The following ROBO2 variants were observed in gnomAD, a reference collection of about 807,000 sequenced individuals.
ROBO2 encodes the protein roundabout homolog 2.
In ROBO2, 53 loss-of-function variants were observed where a neutral mutation model predicts 160.8. The observed-to-expected ratio is 0.33, with a 90% CI of 0.26 to 0.41. The LOEUF is 0.41. Among genes scored for constraint, ROBO2 ranks in the 10% least tolerant of loss-of-function variants. ROBO2 has a pLI of 1.00. For synonymous variants in ROBO2, 664 were observed against 611.7 expected, an observed-to-expected ratio of 1.09 and a Z score of -1.26; for missense variants, 1,577 against 1,722.4, an observed-to-expected ratio of 0.92 and a Z score of 1.49.
chr3:76,090,393 TC>T (rs1185477851), intron 2 of ROBO2, among the ~76,000 whole-genome samples: 2 of 151,898 alleles, frequency 1.3e-5, no homozygotes, highest in Non-Finnish European at 2.9e-5. Flanking sequence ...GCCACCGCAC[TC>T]CAGCCTGGGT....
chr3:77,517,861 C>T (rs941206662), intron 5 of ROBO2, among the ~76,000 whole-genome samples: 3 of 151,384 alleles, frequency 2.0e-5, no homozygotes, highest in South Asian at 2.1e-4. Flanking sequence ...TAGAACTTCT[C>T]GGTTATCAGA....
intron 1 of ROBO2, among the ~76,000 whole-genome samples, chr3:77,088,128 C>T (rs1379194145): frequency 1.3e-5 from 2 of 152,050 alleles, no homozygotes; most frequent in African/African-American, 2.4e-5. Context: ...GATAAAGGCA[C>T]TGAATAACAT....
At chr3:76,120,814 C>T (rs987707122) in intron 2 of ROBO2, among the ~76,000 whole-genome samples, 11 of 152,140 alleles carry the variant, frequency 7.2e-5, no homozygotes, top group African/African-American at 2.4e-4. Context: ...TGAAAAACTT[C>T]TATAAAAATT....
chr3:77,227,170 G>A (rs1259976045), intron 2 of ROBO2, among the ~76,000 whole-genome samples: 2 of 151,910 alleles, frequency 1.3e-5, no homozygotes, highest in Non-Finnish European at 2.9e-5. Flanking sequence ...CCTTTTCTTA[G>A]TAGTTAAGTT....
exon 7 of ROBO2, chr3:77,546,431 C>T (rs1273667627): frequency 6.2e-7 from 1 of 1,613,168 alleles, no homozygotes; most frequent in African/African-American, 1.3e-5. Flanking sequence ...AACCCACAGC[C>T]AGCTGTTTTT....
At chr3:77,130,426 G>A (rs1026047802) in intron 2 of ROBO2, among the ~76,000 whole-genome samples, 5 of 114,116 alleles carry the variant, frequency 4.4e-5, no homozygotes, top group African/African-American at 1.6e-4. Flanking sequence ...AGAATAAACA[G>A]CAAGTAATAA....
At chr3:77,139,557 G>A (rs1296587522) in intron 2 of ROBO2, among the ~76,000 whole-genome samples, 1 of 152,158 alleles carries the variant, frequency 6.6e-6, no homozygotes, top group African/African-American at 2.4e-5. Flanking sequence ...TCACTTGTCT[G>A]ATTTGGAAGT....
At chr3:76,521,474 G>A (rs1304090635) in intron 2 of ROBO2, among the ~76,000 whole-genome samples, 2 of 152,108 alleles carry the variant, frequency 1.3e-5, no homozygotes, top group African/African-American at 4.8e-5. Context: ...CGGGAGGTAG[G>A]GCAGGAATAG....
At chr3:77,146,890 C>T (rs535911996) in intron 2 of ROBO2, among the ~76,000 whole-genome samples, 3 of 152,116 alleles carry the variant, frequency 2.0e-5, no homozygotes, top group Non-Finnish European at 4.4e-5. Flanking sequence ...TCACTTGAAC[C>T]CAGGAGGCGG....
intron 2 of ROBO2, among the ~76,000 whole-genome samples, chr3:76,506,604 C>T (rs1037770959): frequency 2.0e-5 from 3 of 152,084 alleles, no homozygotes; most frequent in African/African-American, 7.2e-5. Flanking sequence ...ATTCTTTGTA[C>T]CTTCATTAGA....
At chr3:77,420,584 T>G (rs2077626639) in intron 2 of ROBO2, among the ~76,000 whole-genome samples, 1 of 152,116 alleles carries the variant, frequency 6.6e-6, no homozygotes, top group Non-Finnish European at 1.5e-5. Flanking sequence ...TCTAATGATT[T>G]CAGCCAAACA....
intron 2 of ROBO2, among the ~76,000 whole-genome samples, chr3:76,946,662 T>C (rs1559746010): frequency 6.6e-6 from 1 of 152,178 alleles, no homozygotes; most frequent in Non-Finnish European, 1.5e-5. Context: ...GGTCTCGAAC[T>C]CCTAACCTCA....
intron 2 of ROBO2, among the ~76,000 whole-genome samples, chr3:76,284,087 A>AT (rs1238118192): frequency 6.6e-6 from 1 of 151,678 alleles, no homozygotes; most frequent in East Asian, 1.9e-4. Flanking sequence ...CCTTATCCTT[A>AT]TTTTTCCATT....
At chr3:76,202,045 C>T (rs1386225957) in intron 2 of ROBO2, among the ~76,000 whole-genome samples, 2 of 152,140 alleles carry the variant, frequency 1.3e-5, no homozygotes, top group Non-Finnish European at 2.9e-5. Flanking sequence ...AGCACTCATG[C>T]ATCAGTGACT....
rs559597442 is a variant in ROBO2 at position 76,560,113 on chromosome 3, T to C, written c.110-537901T>C. ...TTATTTTTCTCCCAGTTAAAATAGA[T>C]GTCTTTCCTACATTTTTCTCTGAAT... is the stretch of plus-strand genomic sequence containing the variant. On this transcript the variant is annotated intron_variant, in intron 2 of 26. Coordinates refer to the ROBO2 transcript ENST00000487694. 5.9e-5 allele frequency among the ~76,000 whole-genome samples: 9 copies of C among 152,224 alleles called. No individual in the cohort carries two copies. In the East Asian group the frequency reaches 1.5e-3, roughly 26 times the overall value.
At chr3:76,952,399 C>T (rs189453803) in intron 2 of ROBO2, among the ~76,000 whole-genome samples, 3 of 152,274 alleles carry the variant, frequency 2.0e-5, no homozygotes, top group Non-Finnish European at 4.4e-5. Context: ...TCTCCTGCCT[C>T]AGCCTCCCAA....
At chr3:76,634,559 C>A (rs893801539) in intron 2 of ROBO2, among the ~76,000 whole-genome samples, 1 of 138,978 alleles carries the variant, frequency 7.2e-6, no homozygotes, top group African/African-American at 2.7e-5. Context: ...CAAAGTGAGA[C>A]TTCGTCTCAA....
intron 2 of ROBO2, among the ~76,000 whole-genome samples, chr3:76,757,100 G>A (rs2061019078): frequency 6.6e-6 from 1 of 151,776 alleles, no homozygotes; most frequent in South Asian, 2.1e-4. Context: ...TTGTTTACCA[G>A]ATTTTATGCA....
intron 2 of ROBO2, among the ~76,000 whole-genome samples, chr3:77,351,017 G>GT (rs1022100860): frequency 5.5e-4 from 83 of 152,238 alleles, no homozygotes; most frequent in African/African-American, 1.8e-3. Flanking sequence ...TGCTTTGGTG[G>GT]TTTCTCCCTT....
Sources: allele counts gnomAD v4.1 joint callset (sites outside exome capture counted in the v4.1 genomes callset), GRCh38; gene constraint gnomAD v4.1.1; transcripts MANE v1.5; gene names NCBI Gene and HGNC (gene_info 2026-07-23, HGNC 2026-07-21).